The following HOOK3 variants were observed in gnomAD, a reference collection of about 807,000 sequenced individuals.
HOOK3 encodes hook microtubule tethering protein 3, also known as protein Hook homolog 3.
A neutral mutation model predicts 116.3 loss-of-function variants in HOOK3; 24 were observed. The ratio of observed to expected loss-of-function variants is 0.21; its 90% CI spans 0.15 to 0.29. The LOEUF is 0.29. Ranked by LOEUF, HOOK3 falls within the 10% of genes least tolerant of loss-of-function variation. HOOK3 has a pLI of 1.00. For synonymous variants in HOOK3, 275 were observed against 283.0 expected (o/e 0.97, Z 0.28); for missense variants, 632 against 830.2 (o/e 0.76, Z 2.93).
chr8:43,016,908 T>C (rs1178222727), intron 21 of HOOK3, among the ~76,000 whole-genome samples: 3 of 152,190 alleles, frequency 2.0e-5, no homozygotes, highest in Non-Finnish European at 2.9e-5. Context: ...GCGCATGGGC[T>C]CACGCCTGTA....
chr8:43,022,401 A>T lies in HOOK3; in HGVS notation c.*3903A>T, dbSNP rs1213808458. 1 of 204,244 alleles carries T rather than the reference A, an allele frequency of 4.9e-6. No homozygotes were observed. The highest frequency in any genetic ancestry group is 2.3e-5 in the African/African-American group (1 of 43,720). The allele number at this position is 204,244 out of a possible 1,614,324, so 12.7% of individuals were successfully genotyped here. A position where few individuals can be genotyped will look rare whatever the true frequency, so the allele number is the denominator to read the frequency against. On this transcript the variant is annotated 3_prime_UTR_variant, in exon 22 of 22. Coordinates refer to ENST00000307602, the MANE Select transcript of HOOK3 (RefSeq NM_032410.4). Reference sequence around the variant, plus strand: ...CAGTGGAGCTTGTCCAGGCACCAGCATGGAGCAAGTACAGGGTTGCTGTGT... The same window carrying T: ...CAGTGGAGCTTGTCCAGGCACCAGCTTGGAGCAAGTACAGGGTTGCTGTGT...
At chr8:43,006,520 A>G (rs1032088378) in intron 17 of HOOK3, among the ~76,000 whole-genome samples, 4 of 151,986 alleles carry the variant, frequency 2.6e-5, no homozygotes, top group Admixed American at 2.0e-4. Flanking sequence ...ATGGGGTTTC[A>G]CCATGTTGCC....
rs1010632603 is a variant in HOOK3 at position 43,022,779 on chromosome 8, A to G, written c.*4281A>G. The G allele has an allele frequency of 5.6e-6, 1 of 178,764 alleles. No homozygotes were observed. The highest frequency in any genetic ancestry group is 2.4e-5 in the African/African-American group (1 of 42,370). 11.1% of individuals were successfully genotyped at this position (178,764 alleles called of 1,614,324 possible). ...ATTGACATTTCTATTAGACATCCTTAACCTAAGTGTTTTAATTAGATTATT... is the reference window on the plus strand; with the variant it reads ...ATTGACATTTCTATTAGACATCCTTGACCTAAGTGTTTTAATTAGATTATT... On this transcript the variant is annotated 3_prime_UTR_variant, in exon 22 of 22. Transcript: ENST00000307602.
In HOOK3 at chr8:43,026,677, T is replaced by C. The variant is rs1244517286; in HGVS notation, c.*8179T>C. 4.5e-6 allele frequency: 1 copy of C among 220,878 alleles called. No individual in the cohort carries two copies. The allele number at this position is 220,878 out of a possible 1,614,324, so 13.7% of individuals were successfully genotyped here. A position where few individuals can be genotyped will look rare whatever the true frequency, so the allele number is the denominator to read the frequency against. ...GCCTCCTGAAACACAAACCTGCAGA[T>C]TGCCCCTAACTTCAGCAGTGCCTCC... is the stretch of plus-strand genomic sequence containing the variant. On this transcript the variant is annotated 3_prime_UTR_variant, in exon 22 of 22. Coordinates refer to ENST00000307602, the MANE Select transcript of HOOK3 (RefSeq NM_032410.4).
rs370800420 is a variant in HOOK3 at position 43,018,489 on chromosome 8, A to G, written c.2148A>G (p.Thr716=). 1 of 1,610,496 alleles carries G rather than the reference A, an allele frequency of 6.2e-7. No individual in the cohort carries two copies. Residue 716 remains threonine, a synonymous_variant, in exon 22 of 22, where the codon ACA becomes ACG. Coordinates refer to ENST00000307602, the MANE Select transcript of HOOK3 (RefSeq NM_032410.4). ...ACCCAGGCCACGTGCAGCCGGCCAC[A>G]GCAAGGTAGAGAAGTTGTGCCGCTC... ...RSYPGHVQPA[T]AR
At chr8:42,913,058 C>T (rs554346143) in intron 2 of HOOK3, among the ~76,000 whole-genome samples, 2 of 152,046 alleles carry the variant, frequency 1.3e-5, no homozygotes, top group Non-Finnish European at 2.9e-5. Context: ...TAGGTTCCTC[C>T]GTGTCTTTTT....
At chr8:42,930,017 T>A in intron 3 of HOOK3, 105 bp from the exon 4 acceptor site, 1 of 955,926 alleles carries the variant, frequency 1.0e-6, no homozygotes, top group Admixed American at 3.5e-5. Context: ...TAATATTTAC[T>A]TTATGATTAA....
intron 16 of HOOK3, among the ~76,000 whole-genome samples, chr8:43,001,522 A>G (rs964795314): frequency 7.9e-5 from 12 of 151,778 alleles, no homozygotes; most frequent in Non-Finnish European, 8.8e-5. Context: ...TTTTAGGTCA[A>G]TTTTGATCTC....
chr8:42,901,402 C>A (rs1285456770), intron 1 of HOOK3, among the ~76,000 whole-genome samples: 1 of 152,148 alleles, frequency 6.6e-6, no homozygotes, highest in Non-Finnish European at 1.5e-5. Context: ...AATTAAGGTA[C>A]GGTTTACATA....
rs567489907 is a variant in HOOK3, at chr8:42,983,898, G to A, written c.1391+1202G>A. On this transcript the variant is annotated intron_variant, in intron 14 of 21. Transcript: ENST00000307602. ...CTGAATATTGCTTTTTACCTTTTTG[G>A]GGCCTATTTGCCCCTTTTCAAAATG... is the stretch of plus-strand genomic sequence containing the variant. Among the ~76,000 whole-genome samples, 8 of 152,076 alleles carry A rather than the reference G, an allele frequency of 5.3e-5. No homozygotes were observed. The South Asian group carries it at 1.7e-3, about 32-fold the overall frequency.
At chr8:42,988,499 G>C (rs140549036) in intron 15 of HOOK3, among the ~76,000 whole-genome samples, 44 of 152,276 alleles carry the variant, frequency 2.9e-4, no homozygotes, top group Middle Eastern at 6.8e-3. Flanking sequence ...CAGTGTCCAT[G>C]TCTGTGGATG....
At chr8:42,964,819 T>C (rs1471079659) in intron 9 of HOOK3, among the ~76,000 whole-genome samples, 1 of 151,440 alleles carries the variant, frequency 6.6e-6, no homozygotes, top group Non-Finnish European at 1.5e-5. Flanking sequence ...AGAACGCGAC[T>C]TTGTCTCAAA....
At chr8:42,985,738 C>T (rs1809037251) in intron 14 of HOOK3, among the ~76,000 whole-genome samples, 1 of 147,718 alleles carries the variant, frequency 6.8e-6, no homozygotes, top group African/African-American at 2.5e-5. Context: ...GAGACCCCGT[C>T]TCAAAAAAAA....
At chr8:42,982,316 G>T (rs1808967430) in intron 13 of HOOK3, among the ~76,000 whole-genome samples, 1 of 151,584 alleles carries the variant, frequency 6.6e-6, no homozygotes, top group Non-Finnish European at 1.5e-5. Flanking sequence ...GGTTACCAGG[G>T]GATAGGGGAG....
chr8:42,944,820 GA>G (rs1003713206), intron 5 of HOOK3, among the ~76,000 whole-genome samples: 3 of 148,650 alleles, frequency 2.0e-5, no homozygotes, highest in East Asian at 2.0e-4. Context: ...CTTTTTCTCA[GA>G]AAAAAAAAAT....
At chr8:42,964,557 T>C in intron 9 of HOOK3, 83 bp downstream of exon 9, 1 of 1,264,420 alleles carries the variant, frequency 7.9e-7, no homozygotes, top group Non-Finnish European at 1.1e-6. Flanking sequence ...CCAGGCACAT[T>C]GGTCCATGCC....
chr8:42,938,678 C>A (rs1210495841), intron 4 of HOOK3, among the ~76,000 whole-genome samples: 1 of 151,864 alleles, frequency 6.6e-6, no homozygotes, highest in Non-Finnish European at 1.5e-5. Context: ...GTATGAAATT[C>A]TGGGTTGAAA....
Position 42,924,325 on chromosome 8 carries a change from C to G in HOOK3, c.144-1232C>G, listed in dbSNP as rs546882341. ...AGTTTTGTCCTCCCTCCCTCCCTCC[C>G]TCCCTTCCTCCCTTCCTTCCTTCCT... On this transcript the variant is annotated intron_variant, in intron 2 of 21. Transcript: ENST00000307602. 3.9e-5 allele frequency among the ~76,000 whole-genome samples: 6 copies of G among 151,974 alleles called. No homozygotes were observed. In the South Asian group the frequency reaches 1.2e-3, roughly 32 times the overall value.
chr8:43,008,707 T>C (rs1809544433), intron 18 of HOOK3, among the ~76,000 whole-genome samples: 2 of 147,948 alleles, frequency 1.4e-5, no homozygotes. Context: ...TCGCCCAGGC[T>C]GGAGTGCAGT....
Sources: allele counts gnomAD v4.1 joint callset (sites outside exome capture counted in the v4.1 genomes callset), GRCh38; gene constraint gnomAD v4.1.1; transcripts MANE v1.5; gene names NCBI Gene and HGNC (gene_info 2026-07-23, HGNC 2026-07-21).